SOAT2: variants seen among roughly 807,000 people sequenced by gnomAD.
The protein encoded by SOAT2 is ACAT-2.
In SOAT2, 87 loss-of-function variants were observed where a neutral mutation model predicts 76.0. That is an observed-to-expected ratio of 1.14 (90% confidence interval 0.96 to 1.37). SOAT2 has a LOEUF of 1.37. Ranked by LOEUF, SOAT2 falls within the 40% of genes most tolerant of loss-of-function variation. SOAT2 has a pLI of 0.00. For missense variants in SOAT2, 686 were observed against 682.1 expected, an observed-to-expected ratio of 1.01 and a Z score of -0.06; for synonymous variants, 285 against 275.4, an observed-to-expected ratio of 1.03 and a Z score of -0.34.
intron 11 of SOAT2, 41 bp downstream of exon 11, chr12:53,120,924 G>T: frequency 7.0e-7 from 1 of 1,432,206 alleles, no homozygotes; most frequent in Non-Finnish European, 9.9e-7. Flanking sequence ...TGGAGATAGG[G>T]AGGGTTAGGG....
chr12:53,120,807 T>A lies in SOAT2; in HGVS notation c.1061T>A (p.Ile354Asn), dbSNP rs922574680. 6.2e-7 allele frequency: 1 copy of A among 1,613,878 alleles called. No individual in the cohort carries two copies. Among genetic ancestry groups the A allele is most frequent in the Admixed American group, 1.7e-5 (1 of 59,996 alleles). Residue 354 changes from isoleucine (I) to asparagine (N), a missense_variant, in exon 11 of 15, where the codon ATC (isoleucine) becomes AAC (asparagine). Ile to Asn is a moderately radical substitution (Grantham distance 149). Coordinates refer to ENST00000301466, the MANE Select transcript of SOAT2 (RefSeq NM_003578.4). ...TLPGIFMLLLIFFAFLHCWLN... is the reference protein window; with the variant it reads ...TLPGIFMLLLNFFAFLHCWLN... ...CCAGGCATCTTCATGCTGCTGCTCA[T>A]CTTCTTTGCCTTCCTCCATTGCTGG...
chr12:53,107,684 G>A (rs867183706), intron 5 of SOAT2, among the ~76,000 whole-genome samples: 25 of 146,532 alleles, frequency 1.7e-4, no homozygotes, highest in African/African-American at 6.0e-4. Flanking sequence ...GTGCAGTGGC[G>A]TGATCTTGGC....
chr12:53,104,180 T>A lies in SOAT2; in HGVS notation c.112T>A (p.Leu38Met), dbSNP rs1253849153. ...CACTGAGACGCACAGAGCCCCGGACTTGGTACAATGGACCCGACACATGGA... is the reference window on the plus strand; with the variant it reads ...CACTGAGACGCACAGAGCCCCGGACATGGTACAATGGACCCGACACATGGA... ...GNTETHRAPD[L>M]VQWTRHMEAV... Residue 38 changes from leucine to methionine, a missense_variant, in exon 2 of 15, where the codon TTG becomes ATG. Transcript: ENST00000301466. 1 of 1,613,466 alleles carries A rather than the reference T, an allele frequency of 6.2e-7. No individual in the cohort carries two copies. Among genetic ancestry groups the A allele is most frequent in the Admixed American group, 1.7e-5 (1 of 59,988 alleles).
chr12:53,111,601 T>C (rs1049281830), intron 5 of SOAT2, among the ~76,000 whole-genome samples: 2 of 152,348 alleles, frequency 1.3e-5, no homozygotes, highest in Non-Finnish European at 2.9e-5. Flanking sequence ...ATCATTCTGT[T>C]TTGGGCTGAG....
At position 53,103,653 on chromosome 12, in the gene SOAT2, G is replaced by A. The variant is rs1273260739; in HGVS notation, c.76G>A (p.Gly26Arg). 1 of 1,533,446 alleles carries A rather than the reference G, an allele frequency of 6.5e-7. No individual in the cohort carries two copies. Among genetic ancestry groups the A allele is most frequent in the Admixed American group, 2.1e-5 (1 of 48,392 alleles). The allele number at this position is 1,533,446 out of a possible 1,614,324, so 95.0% of individuals were successfully genotyped here. A position where few individuals can be genotyped will look rare whatever the true frequency, so the allele number is the denominator to read the frequency against. Residue 26 changes from glycine (G) to arginine (R), a missense_variant, in exon 1 of 15, where the codon GGA (glycine) becomes AGA (arginine). Physicochemically the swap from Gly to Arg is moderately radical, Grantham distance 125. Transcript: ENST00000301466. ...AGGGGAGCGGGAGCGCCAACCCTGT[G>A]GAGATGGTGAGCCGCCCTCGGGGGT... ...LGGERERQPC[G>R]DGNTETHRAP...
At chr12:53,123,322 G>C (rs1259098677) in intron 13 of SOAT2, 106 bp downstream of exon 13, 2 of 1,410,548 alleles carry the variant, frequency 1.4e-6, no homozygotes, top group African/African-American at 1.4e-5. Context: ...CCCAGGCCTG[G>C]AGGCAAGGCT....
In SOAT2 at chr12:53,103,547, G is replaced by A; in HGVS notation, c.-31G>A. ...CGAAGGAAGGAGGCAACACGGGCAA[G>A]GGCTGCCTGCTGCCCGCTGGAGACC... is the stretch of plus-strand genomic sequence containing the variant. On this transcript the variant is annotated 5_prime_UTR_variant, in exon 1 of 15. Transcript: ENST00000301466. 1.3e-6 allele frequency: 2 copies of A among 1,539,994 alleles called. No individual in the cohort carries two copies. The highest frequency in any genetic ancestry group is 1.7e-6 in the Non-Finnish European group (2 of 1,143,720).
At chr12:53,117,686 A>G (rs1193508802) in intron 7 of SOAT2, among the ~76,000 whole-genome samples, 2 of 151,870 alleles carry the variant, frequency 1.3e-5, no homozygotes, top group Non-Finnish European at 2.9e-5. Context: ...AGGCCTGGGG[A>G]GGCAGTGGGA....
chr12:53,122,478 G>GGCCTTCC (rs1938206666), intron 12 of SOAT2, among the ~76,000 whole-genome samples: 1 of 145,608 alleles, frequency 6.9e-6, no homozygotes, highest in African/African-American at 2.7e-5. Flanking sequence ...AGGACCCTGC[G>GGCCTTCC]GCCTTCCGCA....
chr12:53,108,076 C>T (rs1937962642), intron 5 of SOAT2, among the ~76,000 whole-genome samples: 1 of 152,130 alleles, frequency 6.6e-6, no homozygotes, highest in Admixed American at 6.5e-5. Context: ...TTTAAATTGG[C>T]TTTGATGGAA....
chr12:53,120,927 G>T, intron 11 of SOAT2, 44 bp downstream of exon 11: 1 of 1,435,116 alleles, frequency 7.0e-7, no homozygotes, highest in Non-Finnish European at 9.8e-7. Flanking sequence ...AGATAGGGAG[G>T]GTTAGGGAGG....
Position 53,103,672 on chromosome 12 carries a change from C to A in SOAT2, c.82+13C>A. The A allele has an allele frequency of 6.6e-7, 1 of 1,515,688 alleles. No homozygotes were observed. The highest frequency in any genetic ancestry group is 1.3e-5 in the South Asian group (1 of 79,574). 93.9% of individuals were successfully genotyped at this position (1,515,688 alleles called of 1,614,324 possible). ...CCCTGTGGAGATGGTGAGCCGCCCT[C>A]GGGGGTGCAGAAGGCACAGGCAAGT... On this transcript the variant is annotated intron_variant, in intron 1 of 14. Coordinates refer to ENST00000301466, the MANE Select transcript of SOAT2 (RefSeq NM_003578.4).
intron 3 of SOAT2, 38 bp downstream of exon 3, chr12:53,105,281 C>G (rs776211273): frequency 6.3e-7 from 1 of 1,585,918 alleles, no homozygotes; most frequent in East Asian, 2.3e-5. Context: ...TCCTCTGTAG[C>G]AAGGATCATG....
chr12:53,108,561 A>G (rs1937969519), intron 5 of SOAT2, among the ~76,000 whole-genome samples: 1 of 152,192 alleles, frequency 6.6e-6, no homozygotes, highest in Non-Finnish European at 1.5e-5. Flanking sequence ...AGCTATTAAT[A>G]GCTCAAAAGA....
chr12:53,104,285 A>G, intron 2 of SOAT2, 79 bp downstream of exon 2: 4 of 804,064 alleles, frequency 5.0e-6, no homozygotes, highest in Non-Finnish European at 8.0e-6. Flanking sequence ...GGTGATAAAG[A>G]TGACTTTTTT....
intron 5 of SOAT2, 120 bp downstream of exon 5, chr12:53,106,134 T>A: frequency 1.5e-6 from 1 of 647,378 alleles, no homozygotes; most frequent in Non-Finnish European, 2.7e-6. Flanking sequence ...ATTGGACATG[T>A]ACCAACATTG....
chr12:53,123,076 G>A lies in SOAT2; in HGVS notation c.1237-5G>A, dbSNP rs200073405. ...TACTCTTCACTCCTTTCCTCACCCT[G>A]CCAGCTCCTTGGTGCCCGGGCCCGA... On this transcript the variant is annotated splice_region_variant and splice_polypyrimidine_tract_variant and intron_variant, in intron 12 of 14. Transcript: ENST00000301466. The A allele has an allele frequency of 1.6e-4, 254 of 1,610,498 alleles. No individual in the cohort carries two copies. The African/African-American group carries it at 3.2e-3, about 20-fold the overall frequency.
chr12:53,122,939 G>A (rs1437892631), intron 12 of SOAT2, 142 bp from the exon 13 acceptor site: 37 of 848,374 alleles, frequency 4.4e-5, no homozygotes, highest in South Asian at 2.8e-4. Context: ...CCTCCCGGAC[G>A]GGGCGGCTGG....
intron 5 of SOAT2, among the ~76,000 whole-genome samples, chr12:53,110,948 A>T (rs1938001831): frequency 6.6e-6 from 1 of 152,148 alleles, no homozygotes; most frequent in Non-Finnish European, 1.5e-5. Context: ...GTTACTCTTT[A>T]AAAAGGACAC....
Sources: allele counts gnomAD v4.1 joint callset (sites outside exome capture counted in the v4.1 genomes callset), GRCh38; gene constraint gnomAD v4.1.1; transcripts MANE v1.5; gene names NCBI Gene and HGNC (gene_info 2026-07-23, HGNC 2026-07-21).